SCN9A: variants seen among roughly 807,000 people sequenced by gnomAD.
SCN9A encodes sodium channel protein type 9 subunit alpha.
In SCN9A, 131 loss-of-function variants were observed where a neutral mutation model predicts 187.0. That is an observed-to-expected ratio of 0.70 (90% CI 0.61 to 0.81). SCN9A has a LOEUF of 0.81. SCN9A is among the 30% of genes least tolerant of loss of function. SCN9A has a pLI of 0.00. For synonymous variants in SCN9A, 809 were observed against 808.6 expected (o/e 1.00, Z -0.01); for missense variants, 2,252 against 2,396.6 (o/e 0.94, Z 1.26).
intron 6 of SCN9A, chr2:166,303,981 CT>C: frequency 6.5e-7 from 1 of 1,546,910 alleles, no homozygotes; most frequent in East Asian, 2.3e-5. Flanking sequence ...TTTTTTATGT[CT>C]TTCTTTCAAA....
intron 1 of SCN9A, among the ~76,000 whole-genome samples, chr2:166,349,901 G>A (rs1226561155): frequency 1.3e-5 from 2 of 152,066 alleles, no homozygotes; most frequent in Non-Finnish European, 2.9e-5. Context: ...GAACCTGGGA[G>A]GCGGAGGTTG....
At chr2:166,339,905 A>G (rs1699720870) in intron 1 of SCN9A, among the ~76,000 whole-genome samples, 1 of 152,176 alleles carries the variant, frequency 6.6e-6, no homozygotes, top group Non-Finnish European at 1.5e-5. Flanking sequence ...GTAGGAAATT[A>G]TAAGTCCAAA....
At chr2:166,267,895 T>A (rs1696810622) in intron 17 of SCN9A, among the ~76,000 whole-genome samples, 1 of 151,970 alleles carries the variant, frequency 6.6e-6, no homozygotes, top group Non-Finnish European at 1.5e-5. Context: ...GCAAACGTTG[T>A]TAATGATTCT....
At chr2:166,201,486 ATATATATAGTATAGAGTATGCGTATAC>A (rs1693523867) in intron 26 of SCN9A, among the ~76,000 whole-genome samples, 2 of 110,844 alleles carry the variant, frequency 1.8e-5, no homozygotes, top group African/African-American at 7.1e-5. Context: ...TGCGTATACT[ATATATATAGTATAGAGTATGCGTATAC>A]TATATATATA....
chr2:166,210,762 ATC>A (rs1353631316), intron 24 of SCN9A, among the ~76,000 whole-genome samples: 1 of 152,114 alleles, frequency 6.6e-6, no homozygotes, highest in Non-Finnish European at 1.5e-5. Context: ...AATAGGACAA[ATC>A]TAAAGAAGTC....
chr2:166,339,189 C>G (rs776939122), intron 1 of SCN9A, among the ~76,000 whole-genome samples: 6 of 152,170 alleles, frequency 3.9e-5, no homozygotes, highest in Non-Finnish European at 8.8e-5. Context: ...ATCAGGAACA[C>G]CTAGAAGCCA....
At chr2:166,303,032 A>G in intron 7 of SCN9A, 58 bp downstream of exon 7, 1 of 1,230,682 alleles carries the variant, frequency 8.1e-7, no homozygotes, top group Non-Finnish European at 1.2e-6. Flanking sequence ...CATTATTAAA[A>G]GAGAGCAATG....
At chr2:166,307,135 T>A in intron 2 of SCN9A, 61 bp from the exon 3 acceptor site, 1 of 947,058 alleles carries the variant, frequency 1.1e-6, no homozygotes, top group Non-Finnish European at 1.7e-6. Context: ...TTCACATCAA[T>A]ATCAGCAGTT....
At chr2:166,375,477 C>A (rs535712483) in intron 1 of SCN9A, among the ~76,000 whole-genome samples, 1 of 152,328 alleles carries the variant, frequency 6.6e-6, no homozygotes, top group South Asian at 2.1e-4. Context: ...AGCTGCCCAG[C>A]TATCGAAATA....
In SCN9A at chr2:166,280,750, A is replaced by T. The variant is rs556048627; in HGVS notation, c.2105-155T>A. Among the ~76,000 whole-genome samples the T allele has an allele frequency of 8.9e-4, 136 of 152,296 alleles. 1 individual carries two copies. The highest frequency in any genetic ancestry group is 3.1e-3 in the African/African-American group (130 of 41,570). On this transcript the variant is annotated intron_variant, in intron 13 of 26. Transcript: ENST00000642356. ...TATTTCAATGAAAGCATAGCCTCTT[A>T]TGTAAGTCTATTATGACATGTTCGT... is the stretch of plus-strand genomic sequence containing the variant.
At chr2:166,219,261 T>G (rs1269879896) in intron 24 of SCN9A, among the ~76,000 whole-genome samples, 1 of 152,138 alleles carries the variant, frequency 6.6e-6, no homozygotes, top group African/African-American at 2.4e-5. Context: ...TAAAGACACA[T>G]GCACACATAT....
At chr2:166,210,898 A>G (rs1694060041) in intron 24 of SCN9A, among the ~76,000 whole-genome samples, 1 of 152,060 alleles carries the variant, frequency 6.6e-6, no homozygotes, top group Admixed American at 6.6e-5. Flanking sequence ...CATCTCTACC[A>G]AAAATTACAA....
Position 166,305,848 on chromosome 2 carries a change from T to G in SCN9A, c.540A>C (p.Glu180Asp). The change falls in exon 5 of 27, where the codon GAA (glutamate) becomes GAC (aspartate). Residue 180 changes from glutamate (E) to aspartate (D), a missense_variant. Glu to Asp is a conservative substitution (Grantham distance 45). Coordinates refer to ENST00000642356, the MANE Select transcript of SCN9A (RefSeq NM_001365536.1). ...KILARGFCVG[E>D]FTFLRDPWNW... ...TCCACGGGTCACGAAGAAAAGTGAA[T>G]TCTCCTACACAGAAGCCTCTTGCAA... The G allele has an allele frequency of 6.2e-7, 1 of 1,613,412 alleles. No individual in the cohort carries two copies. Among genetic ancestry groups the G allele is most frequent in the African/African-American group, 1.3e-5 (1 of 74,928 alleles).
chr2:166,219,441 C>T (rs746211732), intron 24 of SCN9A, among the ~76,000 whole-genome samples: 1 of 151,954 alleles, frequency 6.6e-6, no homozygotes, highest in Non-Finnish European at 1.5e-5. Context: ...GAGCTGGAGG[C>T]CATTTTCATT....
chr2:166,252,588 A>G (rs1260188075), intron 17 of SCN9A, among the ~76,000 whole-genome samples: 1 of 151,968 alleles, frequency 6.6e-6, no homozygotes, highest in Admixed American at 6.6e-5. Flanking sequence ...TTATAATGTC[A>G]AGAAAGTGGC....
chr2:166,325,207 T>C (rs920716284), intron 1 of SCN9A, among the ~76,000 whole-genome samples: 6 of 152,124 alleles, frequency 3.9e-5, no homozygotes, highest in African/African-American at 1.4e-4. Flanking sequence ...ATTTATCAGG[T>C]AAATGCATTG....
intron 1 of SCN9A, among the ~76,000 whole-genome samples, chr2:166,349,002 C>A (rs776089462): frequency 6.6e-6 from 1 of 151,650 alleles, no homozygotes; most frequent in Admixed American, 6.6e-5. Context: ...GTGGCGCGTG[C>A]TTATAATCCC....
Position 166,198,942 on chromosome 2 carries a change from A to G in SCN9A, c.5697T>C (p.Ala1899=), listed in dbSNP as rs1338674674. Residue 1899 remains alanine (A), a synonymous_variant, in exon 27 of 27, where the codon GCT becomes GCC. Transcript: ENST00000642356. The part of the protein sequence containing the change: ...EDVSATVIQR[A]YRRYRLRQNV... The stretch of plus-strand genomic sequence containing the variant: ...TTTGCCTTAAGCGGTAACGTCTATA[A>G]GCACGCTGAATGACAGTAGCAGACA... 3 of 1,613,992 alleles carry G rather than the reference A, an allele frequency of 1.9e-6. No individual in the cohort carries two copies. In the Admixed American group the frequency reaches 5.0e-5, roughly 27 times the overall value.
In SCN9A at chr2:166,252,709, A is replaced by G. The variant is rs148993722; in HGVS notation, c.3352-824T>C. Among the ~76,000 whole-genome samples, 87 of 152,006 alleles carry G rather than the reference A, an allele frequency of 5.7e-4. No individual in the cohort carries two copies. In the East Asian group the frequency reaches 0.015, roughly 26 times the overall value. ...CATTGTCATTATGATCATATAAGTGATCATAACGCAAATAGGTTTTTCTCA... is the reference window on the plus strand; with the variant it reads ...CATTGTCATTATGATCATATAAGTGGTCATAACGCAAATAGGTTTTTCTCA... On this transcript the variant is annotated intron_variant, in intron 17 of 26. Transcript: ENST00000642356.
Sources: allele counts gnomAD v4.1 joint callset (sites outside exome capture counted in the v4.1 genomes callset), GRCh38; gene constraint gnomAD v4.1.1; transcripts MANE v1.5; gene names NCBI Gene and HGNC (gene_info 2026-07-23, HGNC 2026-07-21).